MAST2: variants seen among roughly 807,000 people sequenced by gnomAD.
The protein encoded by MAST2 is microtubule-associated serine/threonine-protein kinase 2.
In MAST2, 70 loss-of-function variants were observed where a neutral mutation model predicts 147.4. That is an observed-to-expected ratio of 0.47 (90% CI 0.39 to 0.58). MAST2 has a LOEUF of 0.58. Among genes scored for constraint, MAST2 ranks in the 20% least tolerant of loss-of-function variants. The pLI is 0.00. For missense variants in MAST2, 2,080 were observed against 2,302.3 expected (o/e 0.90, Z 1.98); for synonymous variants, 869 against 896.8 (o/e 0.97, Z 0.55).
At chr1:45,912,761 T>C (rs193275582) in intron 4 of MAST2, among the ~76,000 whole-genome samples, 31 of 152,354 alleles carry the variant, frequency 2.0e-4, no homozygotes, top group Non-Finnish European at 4.0e-4. Flanking sequence ...TAGGTTCTTT[T>C]TCTCAGATGT....
chr1:45,968,467 C>G (rs953261351), intron 5 of MAST2, among the ~76,000 whole-genome samples: 1 of 132,172 alleles, frequency 7.6e-6, no homozygotes, highest in Admixed American at 7.9e-5. Context: ...AGGTTGCTTG[C>G]TTGGTTTTTT....
chr1:45,879,294 C>G (rs1196835878), intron 3 of MAST2, among the ~76,000 whole-genome samples: 1 of 152,126 alleles, frequency 6.6e-6, no homozygotes, highest in Non-Finnish European at 1.5e-5. Flanking sequence ...CTCTACTGGC[C>G]TGGCATGGTG....
rs768757229 is a variant in MAST2 at position 46,020,147 on chromosome 1, A to G, written c.1290+450A>G. Among the ~76,000 whole-genome samples, 42 of 152,358 alleles carry G rather than the reference A, an allele frequency of 2.8e-4. 1 individual carries two copies. The Middle Eastern group carries it at 0.034, about 123-fold the overall frequency. On this transcript the variant is annotated intron_variant, in intron 11 of 28. Coordinates refer to ENST00000361297, the MANE Select transcript of MAST2 (RefSeq NM_015112.3). ...GTTGGGAAGCATGAGGCATGAGGACATGTAAATAGTAATTACAATACTGCA... is the reference window on the plus strand; with the variant it reads ...GTTGGGAAGCATGAGGCATGAGGACGTGTAAATAGTAATTACAATACTGCA...
intron 5 of MAST2, among the ~76,000 whole-genome samples, chr1:45,966,508 A>AT (rs1490687275): frequency 6.6e-6 from 1 of 152,100 alleles, no homozygotes; most frequent in Non-Finnish European, 1.5e-5. Context: ...AGGTGGGCAG[A>AT]TCACTTAAAG....
In MAST2 at chr1:45,994,274, C is replaced by CTT. The variant is rs869216588; in HGVS notation, c.593-3426_593-3425dup. 7.6e-3 allele frequency among the ~76,000 whole-genome samples: 470 copies of CTT among 61,982 alleles called. 10 individuals are homozygous for CTT. The highest frequency in any genetic ancestry group is 0.013 in the East Asian group (21 of 1,582). The allele number at this position is 61,982 out of a possible 152,430, so 40.7% of individuals were successfully genotyped here. Reference sequence around the variant, plus strand: ...GCAAGTGGCTCAAAGCCCTAACCCTCTTTTTTTTTTTTTTTTTTTTTTTTT... The same window carrying CTT: ...GCAAGTGGCTCAAAGCCCTAACCCTCTTTTTTTTTTTTTTTTTTTTTTTTTTT... On this transcript the variant is annotated intron_variant, in intron 5 of 28. Coordinates refer to ENST00000361297, the MANE Select transcript of MAST2 (RefSeq NM_015112.3).
chr1:45,833,568 T>A (rs949181232), intron 3 of MAST2, among the ~76,000 whole-genome samples: 3 of 152,220 alleles, frequency 2.0e-5, no homozygotes, highest in Non-Finnish European at 4.4e-5. Context: ...CTGAGTCATA[T>A]GATAACTGTA....
intron 2 of MAST2, among the ~76,000 whole-genome samples, chr1:45,825,586 C>A (rs934440465): frequency 1.3e-5 from 2 of 151,588 alleles, no homozygotes; most frequent in African/African-American, 4.8e-5. Flanking sequence ...GTGCGCACCA[C>A]CATGCCTGGC....
chr1:45,997,417 T>C (rs1645100840), intron 5 of MAST2, among the ~76,000 whole-genome samples: 1 of 152,176 alleles, frequency 6.6e-6, no homozygotes, highest in Non-Finnish European at 1.5e-5. Context: ...CTTCTGAATG[T>C]TGGTTCACTT....
intron 3 of MAST2, 139 bp from the exon 4 acceptor site, chr1:45,882,225 C>A: frequency 3.7e-6 from 2 of 547,496 alleles, no homozygotes; most frequent in South Asian, 5.4e-5. Flanking sequence ...ATTTAAGAGG[C>A]AAAGAAAAAG....
chr1:46,006,479 A>C, intron 8 of MAST2, 84 bp downstream of exon 8: 1 of 1,402,484 alleles, frequency 7.1e-7, no homozygotes, highest in South Asian at 1.5e-5. Flanking sequence ...ACTATGCTAT[A>C]AGGGGCCAAG....
chr1:45,980,953 G>A (rs1225216253), intron 5 of MAST2, among the ~76,000 whole-genome samples: 1 of 152,106 alleles, frequency 6.6e-6, no homozygotes, highest in Non-Finnish European at 1.5e-5. Flanking sequence ...ATCAAAACAG[G>A]GGAATTTCAA....
chr1:45,951,071 T>A (rs1449333190), intron 4 of MAST2, among the ~76,000 whole-genome samples: 3 of 151,226 alleles, frequency 2.0e-5, no homozygotes, highest in African/African-American at 4.9e-5. Flanking sequence ...TTTTTTTTTT[T>A]AATTAGCTGG....
intron 5 of MAST2, among the ~76,000 whole-genome samples, chr1:45,984,517 C>T (rs1644538112): frequency 6.6e-6 from 1 of 151,966 alleles, no homozygotes; most frequent in Admixed American, 6.6e-5. Flanking sequence ...TGTTGTTGCC[C>T]AGGCTGGTCT....
chr1:45,961,521 C>T (rs191381131), intron 5 of MAST2, among the ~76,000 whole-genome samples: 4 of 152,162 alleles, frequency 2.6e-5, no homozygotes, highest in Non-Finnish European at 4.4e-5. Context: ...CACCACCTGG[C>T]CTTTTCAGCC....
chr1:45,928,739 C>G (rs1029990141), intron 4 of MAST2, among the ~76,000 whole-genome samples: 7 of 151,956 alleles, frequency 4.6e-5, no homozygotes, highest in African/African-American at 1.7e-4. Context: ...CACCAGAAGC[C>G]TGGCTAATTT....
intron 3 of MAST2, among the ~76,000 whole-genome samples, chr1:45,870,608 CTCTT>C (rs1408025621): frequency 2.0e-5 from 3 of 151,270 alleles, no homozygotes; most frequent in African/African-American, 7.3e-5. Context: ...GGTATTAAGA[CTCTT>C]TTTTTTCATT....
intron 1 of MAST2, among the ~76,000 whole-genome samples, chr1:45,815,212 C>T (rs1391575196): frequency 6.6e-6 from 1 of 151,186 alleles, no homozygotes; most frequent in East Asian, 1.9e-4. Context: ...AACTGTCTCC[C>T]AGTCTGGAGT....
At chr1:46,010,978 C>T in intron 10 of MAST2, 39 bp downstream of exon 10, 18 of 1,542,918 alleles carry the variant, frequency 1.2e-5, no homozygotes, top group East Asian at 2.3e-5. Flanking sequence ...AAAACCTCCA[C>T]CTGGTATTGG....
intron 5 of MAST2, among the ~76,000 whole-genome samples, chr1:45,978,279 C>T (rs1227456373): frequency 1.3e-5 from 2 of 151,926 alleles, no homozygotes; most frequent in African/African-American, 2.4e-5. Flanking sequence ...TTTGGGAGAC[C>T]GAGGTGGGCA....
Sources: gnomAD v4.1 joint callset for allele counts (sites outside exome capture counted in the v4.1 genomes callset) on GRCh38, gnomAD v4.1.1 for gene constraint, MANE v1.5 for transcripts, NCBI Gene and HGNC (gene_info 2026-07-23, HGNC 2026-07-21) for gene names.